PHLPP1: variants seen among roughly 807,000 people sequenced by gnomAD.
The protein encoded by PHLPP1 is PH domain leucine-rich repeat-containing protein phosphatase 1.
Under a neutral mutation model 117.2 loss-of-function variants are expected in PHLPP1, and 42 were observed. The observed-to-expected ratio is 0.36, with a 90% CI of 0.28 to 0.46. The LOEUF (loss-of-function observed/expected upper bound fraction) is 0.46, where lower values mean the gene tolerates loss of function less well. PHLPP1 is among the 20% of genes least tolerant of loss of function. The pLI, the probability that PHLPP1 is intolerant of heterozygous loss-of-function variation, is 1.00. For missense variants in PHLPP1, 2,084 were observed against 2,241.9 expected (o/e 0.93, Z 1.42); for synonymous variants, 1,042 against 970.7 (o/e 1.07, Z -1.37).
Position 62,896,024 on chromosome 18 carries a change from G to T in PHLPP1, c.2444+13G>T. ...ATGTGGATCTAAGGTAACCATTTTT[G>T]AGAAATAGATCTCATTTGAGTGGCT... is the stretch of plus-strand genomic sequence containing the variant. On this transcript the variant is annotated intron_variant, in intron 6 of 16. Coordinates refer to ENST00000262719, the MANE Select transcript of PHLPP1 (RefSeq NM_194449.4). 6.6e-7 allele frequency: 1 copy of T among 1,511,420 alleles called. No homozygotes were observed. Among genetic ancestry groups the T allele is most frequent in the South Asian group, 1.1e-5 (1 of 88,240 alleles). The allele number at this position is 1,511,420 out of a possible 1,614,324, so 93.6% of individuals were successfully genotyped here.
chr18:62,787,053 G>A (rs1274626463), intron 1 of PHLPP1, among the ~76,000 whole-genome samples: 1 of 151,996 alleles, frequency 6.6e-6, no homozygotes, highest in South Asian at 2.1e-4. Context: ...ATTTAGAGAC[G>A]GAGTCTCACT....
At chr18:62,796,450 A>G (rs1913633288) in intron 1 of PHLPP1, among the ~76,000 whole-genome samples, 1 of 152,206 alleles carries the variant, frequency 6.6e-6, no homozygotes, top group South Asian at 2.1e-4. Flanking sequence ...TAGTTAAAAG[A>G]AAGACTTTGA....
intron 2 of PHLPP1, chr18:62,832,384 A>G (rs1327796243): frequency 1.3e-5 from 2 of 152,212 alleles, no homozygotes; most frequent in African/African-American, 4.8e-5. Flanking sequence ...GAAGGATGAA[A>G]AGTCTTTTGA....
intron 3 of PHLPP1, among the ~76,000 whole-genome samples, chr18:62,845,080 C>T (rs578139005): frequency 2.0e-5 from 3 of 152,270 alleles, no homozygotes; most frequent in Non-Finnish European, 4.4e-5. Flanking sequence ...AGCATGACCT[C>T]TTCCAAGGAC....
intron 1 of PHLPP1, among the ~76,000 whole-genome samples, chr18:62,735,673 T>G (rs1172586396): frequency 6.6e-6 from 1 of 152,196 alleles, no homozygotes; most frequent in Non-Finnish European, 1.5e-5. Flanking sequence ...AACCTCCAGA[T>G]AATCCTGATG....
At chr18:62,864,167 G>A (rs1248648786) in intron 4 of PHLPP1, among the ~76,000 whole-genome samples, 2 of 151,904 alleles carry the variant, frequency 1.3e-5, no homozygotes, top group African/African-American at 2.4e-5. Context: ...GACTATAGGC[G>A]CCCGCCACCA....
intron 2 of PHLPP1, among the ~76,000 whole-genome samples, chr18:62,835,872 C>T (rs1164380507): frequency 6.7e-6 from 1 of 149,750 alleles, no homozygotes; most frequent in Non-Finnish European, 1.5e-5. Context: ...CCTCCACCTC[C>T]CGGGTTCAAG....
At chr18:62,915,813 T>C (rs1437490381) in intron 9 of PHLPP1, among the ~76,000 whole-genome samples, 1 of 152,208 alleles carries the variant, frequency 6.6e-6, no homozygotes, top group Non-Finnish European at 1.5e-5. Context: ...ACTTGCAATG[T>C]GGCTAATGTG....
At chr18:62,810,482 A>G (rs1307348218) in intron 1 of PHLPP1, among the ~76,000 whole-genome samples, 1 of 152,178 alleles carries the variant, frequency 6.6e-6, no homozygotes, top group East Asian at 1.9e-4. Context: ...TACTGTACTT[A>G]GGGTTTTTTC....
In PHLPP1 at chr18:62,733,339, G is replaced by T. The variant is rs117611730; in HGVS notation, c.1576+16080G>T. The stretch of plus-strand genomic sequence containing the variant: ...CTCAGATCATTGTTAGTACCTTTTA[G>T]TAGTATTTTTAAATTAAGGTGTGTG... On this transcript the variant is annotated intron_variant, in intron 1 of 16. Transcript: ENST00000262719. 1.6e-4 allele frequency among the ~76,000 whole-genome samples: 25 copies of T among 152,320 alleles called. 1 individual carries two copies. In the Middle Eastern group the frequency reaches 0.01, roughly 62 times the overall value.
At chr18:62,866,256 T>G (rs1029955313) in intron 4 of PHLPP1, among the ~76,000 whole-genome samples, 1 of 151,882 alleles carries the variant, frequency 6.6e-6, no homozygotes, top group Non-Finnish European at 1.5e-5. Flanking sequence ...TTTGTTTTTT[T>G]TTTTTTGGAG....
At chr18:62,973,126 T>C (rs1329711758) in intron 15 of PHLPP1, among the ~76,000 whole-genome samples, 1 of 152,234 alleles carries the variant, frequency 6.6e-6, no homozygotes, top group Non-Finnish European at 1.5e-5. Flanking sequence ...TGAAATACTA[T>C]CACTGGTTTG....
chr18:62,869,162 A>C (rs1188734158), intron 4 of PHLPP1, among the ~76,000 whole-genome samples: 1 of 151,990 alleles, frequency 6.6e-6, no homozygotes, highest in Non-Finnish European at 1.5e-5. Context: ...CTTTCTTCCA[A>C]ATTACCTCCC....
intron 1 of PHLPP1, among the ~76,000 whole-genome samples, chr18:62,806,435 A>G (rs1913955006): frequency 1.3e-5 from 2 of 152,224 alleles, no homozygotes; most frequent in African/African-American, 4.8e-5. Context: ...GGCATAAGGC[A>G]TAAAAATGAT....
chr18:62,870,239 C>G (rs1915868432), intron 4 of PHLPP1, among the ~76,000 whole-genome samples: 1 of 152,120 alleles, frequency 6.6e-6, no homozygotes. Context: ...GTGTTTGTCT[C>G]CCACTTCCAT....
intron 10 of PHLPP1, among the ~76,000 whole-genome samples, chr18:62,929,503 G>A (rs1236499202): frequency 6.6e-6 from 1 of 152,186 alleles, no homozygotes; most frequent in Non-Finnish European, 1.5e-5. Context: ...TGATGTACCA[G>A]AGGATGAACT....
chr18:62,890,775 G>C (rs1047380526), intron 4 of PHLPP1, among the ~76,000 whole-genome samples: 4 of 152,100 alleles, frequency 2.6e-5, no homozygotes, highest in South Asian at 2.1e-4. Context: ...CAGCCTTTCT[G>C]TTCCCCACTT....
intron 4 of PHLPP1, among the ~76,000 whole-genome samples, chr18:62,869,513 C>G (rs926785348): frequency 1.3e-5 from 2 of 152,180 alleles, no homozygotes; most frequent in African/African-American, 4.8e-5. Context: ...TTACCCTAAA[C>G]ATCATCACTA....
At chr18:62,768,318 G>A (rs746533282) in intron 1 of PHLPP1, among the ~76,000 whole-genome samples, 10 of 152,096 alleles carry the variant, frequency 6.6e-5, no homozygotes, top group Non-Finnish European at 1.2e-4. Flanking sequence ...GAACCAAAGG[G>A]ATTGAATACA....
Sources: gnomAD v4.1 joint callset for allele counts (sites outside exome capture counted in the v4.1 genomes callset) on GRCh38, gnomAD v4.1.1 for gene constraint, MANE v1.5 for transcripts, NCBI Gene and HGNC (gene_info 2026-07-23, HGNC 2026-07-21) for gene names.